CADM2: variants seen among roughly 807,000 people sequenced by gnomAD.
CADM2 encodes cell adhesion molecule 2.
A neutral mutation model predicts 49.8 loss-of-function variants in CADM2; 12 were observed. That is an observed-to-expected ratio of 0.24 (90% CI 0.15 to 0.39). CADM2 has a LOEUF of 0.39. Ranked by LOEUF, CADM2 falls within the 10% of genes least tolerant of loss-of-function variation. The pLI is 1.00. For synonymous variants in CADM2, 214 were observed against 175.4 expected, an observed-to-expected ratio of 1.22 and a Z score of -1.74; for missense variants, 378 against 492.3, an observed-to-expected ratio of 0.77 and a Z score of 2.20.
rs1227761265 is a variant in CADM2, at chr3:85,925,813, A to G, written c.701-9954A>G. Reference sequence around the variant, plus strand: ...TAGCTCCCTATCTTTTGTAACAAAGAAGACAGAGATAGATAGATAGATAGA... The same window carrying G: ...TAGCTCCCTATCTTTTGTAACAAAGGAGACAGAGATAGATAGATAGATAGA... On this transcript the variant is annotated intron_variant, in intron 6 of 9. Coordinates refer to ENST00000383699, the MANE Select transcript of CADM2 (RefSeq NM_001167675.2). 2.0e-5 allele frequency among the ~76,000 whole-genome samples: 3 copies of G among 152,122 alleles called. No individual in the cohort carries two copies. In the East Asian group the frequency reaches 5.8e-4, roughly 29 times the overall value.
At chr3:85,784,003 T>C (rs2070814620) in intron 2 of CADM2, among the ~76,000 whole-genome samples, 1 of 152,206 alleles carries the variant, frequency 6.6e-6, no homozygotes, top group Non-Finnish European at 1.5e-5. Context: ...GCTTAATAAA[T>C]TGTTACTAAA....
intron 1 of CADM2, among the ~76,000 whole-genome samples, chr3:85,488,002 G>A (rs2039501049): frequency 6.6e-6 from 1 of 151,712 alleles, no homozygotes; most frequent in Non-Finnish European, 1.5e-5. Flanking sequence ...CTTTATTTTT[G>A]TATTTAGAAA....
intron 1 of CADM2, among the ~76,000 whole-genome samples, chr3:85,256,714 T>C (rs2042893110): frequency 6.6e-6 from 1 of 152,146 alleles, no homozygotes; most frequent in Non-Finnish European, 1.5e-5. Flanking sequence ...CTGTTATAAA[T>C]ATATTAAAAG....
At position 85,657,229 on chromosome 3, in the gene CADM2, A is replaced by T. The variant is rs528618940; in HGVS notation, c.62-69293A>T. Among the ~76,000 whole-genome samples the T allele has an allele frequency of 2.4e-4, 36 of 152,290 alleles. No homozygotes were observed. In the East Asian group the frequency reaches 6.8e-3, roughly 29 times the overall value. ...TATGGAGAACTCAAAAAGTGACCAG[A>T]TTTAAACCCAGATGTGAATAATTAT... On this transcript the variant is annotated intron_variant, in intron 1 of 9. Coordinates refer to ENST00000383699, the MANE Select transcript of CADM2 (RefSeq NM_001167675.2).
chr3:85,565,077 G>T (rs930283910), intron 1 of CADM2, among the ~76,000 whole-genome samples: 2 of 152,056 alleles, frequency 1.3e-5, no homozygotes, highest in Admixed American at 6.6e-5. Flanking sequence ...GGGTTATGGT[G>T]TTCTTAATTG....
At chr3:85,524,010 A>G (rs2106913396) in intron 1 of CADM2, among the ~76,000 whole-genome samples, 1 of 152,298 alleles carries the variant, frequency 6.6e-6, no homozygotes, top group South Asian at 2.1e-4. Flanking sequence ...GAATGTCAAG[A>G]TGTACATATG....
intron 2 of CADM2, among the ~76,000 whole-genome samples, chr3:85,743,942 T>A (rs181639021): frequency 6.9e-4 from 105 of 152,314 alleles, no homozygotes; most frequent in African/African-American, 2.2e-3. Context: ...AGGCAAGTTC[T>A]ACTTTAGGTA....
chr3:85,482,821 T>G (rs1270300750), intron 1 of CADM2, among the ~76,000 whole-genome samples: 1 of 151,634 alleles, frequency 6.6e-6, no homozygotes, highest in African/African-American at 2.4e-5. Context: ...AATGGAAATA[T>G]TTAATTTTGA....
intron 1 of CADM2, among the ~76,000 whole-genome samples, chr3:85,556,198 A>G (rs1466959788): frequency 1.3e-5 from 2 of 152,184 alleles, no homozygotes; most frequent in Non-Finnish European, 2.9e-5. Flanking sequence ...AAAGTAAGCT[A>G]GAGAAAATAA....
At chr3:85,127,890 C>T (rs148202903) in intron 1 of CADM2, among the ~76,000 whole-genome samples, 1,790 of 152,176 alleles carry the variant, frequency 0.012, 23 homozygotes, top group Non-Finnish European at 0.019. Flanking sequence ...ATACAATCTA[C>T]GTTTGCCCCA....
In CADM2 at chr3:85,098,878, C is replaced by A. The variant is rs141457695; in HGVS notation, c.61+139210C>A. ...CAAACCTGAGTTGTTCATGGATCAACTGTAATTTTGAAACAGTTTCCTACA... is the reference window on the plus strand; with the variant it reads ...CAAACCTGAGTTGTTCATGGATCAAATGTAATTTTGAAACAGTTTCCTACA... On this transcript the variant is annotated intron_variant, in intron 1 of 9. Coordinates refer to ENST00000383699, the MANE Select transcript of CADM2 (RefSeq NM_001167675.2). Among the ~76,000 whole-genome samples the A allele has an allele frequency of 2.0e-5, 3 of 152,276 alleles. No homozygotes were observed. In the East Asian group the frequency reaches 5.8e-4, roughly 29 times the overall value.
chr3:85,055,959 T>A (rs1270721722), intron 1 of CADM2, among the ~76,000 whole-genome samples: 1 of 152,044 alleles, frequency 6.6e-6, no homozygotes, highest in Non-Finnish European at 1.5e-5. Context: ...TAGTTTGAAA[T>A]CAAATTATAA....
At chr3:85,792,945 T>G (rs1309346127) in intron 2 of CADM2, among the ~76,000 whole-genome samples, 1 of 152,196 alleles carries the variant, frequency 6.6e-6, no homozygotes, top group Non-Finnish European at 1.5e-5. Context: ...TCCTATGTGA[T>G]AGTGTGCTGG....
At chr3:85,766,404 A>G (rs975052205) in intron 2 of CADM2, among the ~76,000 whole-genome samples, 1 of 152,176 alleles carries the variant, frequency 6.6e-6, no homozygotes, top group African/African-American at 2.4e-5. Context: ...GCTCACCTAA[A>G]TTCTAAAACT....
chr3:85,802,232 T>C (rs749293549), intron 3 of CADM2, 36 bp downstream of exon 3: 1 of 1,550,822 alleles, frequency 6.4e-7, no homozygotes, highest in Non-Finnish European at 8.8e-7. Flanking sequence ...TTAATCGTAT[T>C]CTAAAATATC....
chr3:85,134,133 C>A (rs1272500472), intron 1 of CADM2, among the ~76,000 whole-genome samples: 1 of 152,216 alleles, frequency 6.6e-6, no homozygotes, highest in South Asian at 2.1e-4. Context: ...CTGGGGCCCG[C>A]AGGGCCGGCC....
chr3:85,749,269 A>G (rs2068760849), intron 2 of CADM2, among the ~76,000 whole-genome samples: 1 of 152,062 alleles, frequency 6.6e-6, no homozygotes, highest in African/African-American at 2.4e-5. Flanking sequence ...CTTAGTAATT[A>G]GTAATACTAA....
intron 1 of CADM2, among the ~76,000 whole-genome samples, chr3:85,694,267 T>A (rs537687924): frequency 5.4e-4 from 83 of 152,304 alleles, no homozygotes; most frequent in Non-Finnish European, 1.0e-3. Flanking sequence ...TATTTGGAGA[T>A]AGGACCTTTA....
intron 5 of CADM2, among the ~76,000 whole-genome samples, chr3:85,892,465 G>A (rs557627613): frequency 6.6e-6 from 1 of 152,258 alleles, no homozygotes; most frequent in East Asian, 1.9e-4. Flanking sequence ...GGACTTGGTG[G>A]GAGGTAATTG....
Sources: gnomAD v4.1 joint callset for allele counts (sites outside exome capture counted in the v4.1 genomes callset) on GRCh38, gnomAD v4.1.1 for gene constraint, MANE v1.5 for transcripts, NCBI Gene and HGNC (gene_info 2026-07-23, HGNC 2026-07-21) for gene names.